PDE11A: variants seen among roughly 807,000 people sequenced by gnomAD.
PDE11A encodes the protein dual 3',5'-cyclic-AMP and -GMP phosphodiesterase 11A.
PDE11A carries 100 observed loss-of-function variants against 100.5 expected under a neutral mutation model. The observed-to-expected ratio is 1.00, with a 90% CI of 0.85 to 1.18. PDE11A has a LOEUF of 1.18. Among genes scored for constraint, PDE11A ranks in the 50% most tolerant of loss-of-function variants. The probability of loss-of-function intolerance (pLI) is 0.00; values close to 1 mark genes in which losing one functional copy is unlikely to be tolerated. For missense variants in PDE11A, 1,141 were observed against 1,152.6 expected, an observed-to-expected ratio of 0.99 and a Z score of 0.15; for synonymous variants, 381 against 420.8, an observed-to-expected ratio of 0.91 and a Z score of 1.16.
intron 2 of PDE11A, among the ~76,000 whole-genome samples, chr2:178,082,239 TAAAAG>T (rs2087293559): frequency 1.3e-5 from 2 of 152,100 alleles, no homozygotes; most frequent in Admixed American, 1.3e-4. Context: ...GGATTGAAAA[TAAAAG>T]AAAGAAACAG....
At chr2:177,669,255 G>C (rs540864383) in intron 18 of PDE11A, among the ~76,000 whole-genome samples, 1 of 152,104 alleles carries the variant, frequency 6.6e-6, no homozygotes, top group East Asian at 1.9e-4. Flanking sequence ...ATCCTCCCTC[G>C]TGCCTACTTG....
intron 13 of PDE11A, among the ~76,000 whole-genome samples, chr2:177,705,057 G>C (rs1010622249): frequency 1.3e-5 from 2 of 152,094 alleles, no homozygotes; most frequent in African/African-American, 4.8e-5. Context: ...GGCCAGGCTG[G>C]TCTCGAACTC....
At chr2:177,760,088 T>C (rs1193469159) in intron 10 of PDE11A, among the ~76,000 whole-genome samples, 1 of 152,164 alleles carries the variant, frequency 6.6e-6, no homozygotes, top group Non-Finnish European at 1.5e-5. Context: ...AGACAAAACA[T>C]TGCAGAAGAA....
chr2:177,724,924 T>G (rs1190519480), intron 12 of PDE11A, among the ~76,000 whole-genome samples: 1 of 152,086 alleles, frequency 6.6e-6, no homozygotes, highest in Non-Finnish European at 1.5e-5. Flanking sequence ...CCAGGTTGAA[T>G]CCAATGGTTG....
chr2:177,880,055 T>C, intron 4 of PDE11A, among the ~76,000 whole-genome samples: 1 of 152,206 alleles, frequency 6.6e-6, no homozygotes. Flanking sequence ...TCCAGTAAAA[T>C]GGCTTATGGT....
intron 19 of PDE11A, among the ~76,000 whole-genome samples, chr2:177,633,071 C>T (rs1429940688): frequency 1.3e-5 from 2 of 152,198 alleles, no homozygotes; most frequent in African/African-American, 4.8e-5. Context: ...GATTATTAGC[C>T]TATGGAAAGG....
At chr2:177,750,244 T>C (rs1283266850) in intron 10 of PDE11A, among the ~76,000 whole-genome samples, 1 of 152,204 alleles carries the variant, frequency 6.6e-6, no homozygotes, top group Non-Finnish European at 1.5e-5. Context: ...GGAGCTCCCC[T>C]TCTTTGGGGG....
intron 2 of PDE11A, among the ~76,000 whole-genome samples, chr2:178,087,982 C>T (rs1227437209): frequency 6.6e-6 from 1 of 152,004 alleles, no homozygotes; most frequent in Non-Finnish European, 1.5e-5. Flanking sequence ...AATGAGAGAC[C>T]TGGCCCAACC....
At chr2:177,996,683 C>T (rs1574331212) in intron 2 of PDE11A, among the ~76,000 whole-genome samples, 1 of 152,088 alleles carries the variant, frequency 6.6e-6, no homozygotes, top group Non-Finnish European at 1.5e-5. Flanking sequence ...AAATATTATG[C>T]TTTTATGACA....
At chr2:178,094,960 G>T (rs1006245013) in intron 2 of PDE11A, among the ~76,000 whole-genome samples, 2 of 152,092 alleles carry the variant, frequency 1.3e-5, no homozygotes, top group Non-Finnish European at 2.9e-5. Context: ...CTCCCACCAG[G>T]TCCCTCCCTC....
chr2:177,979,832 G>C lies in PDE11A; in HGVS notation c.1071+34470C>G, dbSNP rs532597727. Among the ~76,000 whole-genome samples, 9 of 149,494 alleles carry C rather than the reference G, an allele frequency of 6.0e-5. 3 individuals carry two copies. The South Asian group carries it at 1.5e-3, about 26-fold the overall frequency. On this transcript the variant is annotated intron_variant, in intron 2 of 19. Transcript: ENST00000286063. ...TCACCATGTTAGCCAGGATGGTCTC[G>C]ATCTCCTGACCTCATGATCCGCCTG...
At chr2:177,672,671 A>G (rs7586934) in intron 17 of PDE11A, among the ~76,000 whole-genome samples, 123,560 of 152,162 alleles carry the variant, frequency 0.81, 50,937 homozygotes, top group East Asian at 0.98. Context: ...GCATGTGATG[A>G]TTGCCATTGA....
At chr2:177,992,480 A>C (rs542517002) in intron 2 of PDE11A, among the ~76,000 whole-genome samples, 2 of 143,730 alleles carry the variant, frequency 1.4e-5, no homozygotes, top group African/African-American at 5.1e-5. Flanking sequence ...CATTCATGCT[A>C]TTTGCCTCTT....
At chr2:178,052,590 A>C (rs544951977) in intron 1 of PDE11A, among the ~76,000 whole-genome samples, 1 of 152,144 alleles carries the variant, frequency 6.6e-6, no homozygotes, top group Non-Finnish European at 1.5e-5. Context: ...TTTTTTGAAA[A>C]GATCAACAAA....
intron 2 of PDE11A, among the ~76,000 whole-genome samples, chr2:177,956,998 A>G (rs1290469338): frequency 1.3e-5 from 2 of 152,090 alleles, no homozygotes; most frequent in African/African-American, 4.8e-5. Context: ...ACATGTATAC[A>G]TATGTAACAA....
chr2:178,100,785 TATA>T (rs2087551200), intron 2 of PDE11A, among the ~76,000 whole-genome samples: 1 of 152,200 alleles, frequency 6.6e-6, no homozygotes, highest in South Asian at 2.1e-4. Flanking sequence ...GCATATTTGG[TATA>T]AGTTTTAATA....
intron 10 of PDE11A, among the ~76,000 whole-genome samples, chr2:177,747,007 T>G (rs1019407102): frequency 6.6e-6 from 1 of 152,088 alleles, no homozygotes; most frequent in African/African-American, 2.4e-5. Context: ...AGGCAGGGTA[T>G]GAAGTGGGCA....
At chr2:177,711,213 TC>T (rs1157868451) in intron 13 of PDE11A, among the ~76,000 whole-genome samples, 2 of 152,218 alleles carry the variant, frequency 1.3e-5, no homozygotes. Flanking sequence ...TGCCCAGACA[TC>T]CCTGTATTTC....
chr2:177,681,501 C>T (rs2080863632), intron 15 of PDE11A, among the ~76,000 whole-genome samples: 1 of 152,176 alleles, frequency 6.6e-6, no homozygotes, highest in Non-Finnish European at 1.5e-5. Context: ...ATTTCTTAAT[C>T]TCTAACACGG....
Sources: allele counts gnomAD v4.1 joint callset (sites outside exome capture counted in the v4.1 genomes callset), GRCh38; gene constraint gnomAD v4.1.1; transcripts MANE v1.5; gene names NCBI Gene and HGNC (gene_info 2026-07-23, HGNC 2026-07-21).